The following PTPRZ1 variants were observed in gnomAD, a reference collection of about 807,000 sequenced individuals.
The protein encoded by PTPRZ1 is protein tyrosine phosphatase receptor type Z1.
PTPRZ1 carries 82 observed loss-of-function variants against 214.1 expected under a neutral mutation model. That is an observed-to-expected ratio of 0.38 (90% confidence interval 0.32 to 0.46). The LOEUF (loss-of-function observed/expected upper bound fraction) is 0.46, where lower values mean the gene tolerates loss of function less well. Ranked by LOEUF, PTPRZ1 falls within the 20% of genes least tolerant of loss-of-function variation. PTPRZ1 has a pLI of 1.00. For missense variants in PTPRZ1, 2,603 were observed against 2,748.7 expected (o/e 0.95, Z 1.19); for synonymous variants, 945 against 987.9 (o/e 0.96, Z 0.81).
At chr7:121,939,795 A>G (rs374066566) in intron 2 of PTPRZ1, among the ~76,000 whole-genome samples, 2 of 152,340 alleles carry the variant, frequency 1.3e-5, no homozygotes, top group East Asian at 3.9e-4. Context: ...GTATGCAAAC[A>G]ATAGTGATTA....
chr7:121,897,236 C>T (rs1794811586), intron 1 of PTPRZ1, among the ~76,000 whole-genome samples: 1 of 152,142 alleles, frequency 6.6e-6, no homozygotes, highest in Non-Finnish European at 1.5e-5. Flanking sequence ...CCCAGGTCTA[C>T]TGATTTCAAA....
chr7:121,946,439 T>G (rs188476081), intron 2 of PTPRZ1, among the ~76,000 whole-genome samples: 1 of 152,204 alleles, frequency 6.6e-6, no homozygotes, highest in Non-Finnish European at 1.5e-5. Flanking sequence ...ATACTAATCC[T>G]AAAAACAGTT....
At chr7:122,045,683 T>TACAC (rs71172161) in intron 23 of PTPRZ1, among the ~76,000 whole-genome samples, 23,637 of 146,440 alleles carry the variant, frequency 0.16, 1,890 homozygotes, top group South Asian at 0.22. Flanking sequence ...CTAAATAAAT[T>TACAC]ACACACACAC....
chr7:121,935,716 C>T (rs915571283), intron 2 of PTPRZ1, among the ~76,000 whole-genome samples: 3 of 151,898 alleles, frequency 2.0e-5, no homozygotes, highest in Admixed American at 6.6e-5. Context: ...TACAGGCGCC[C>T]GCCACCACAT....
intron 2 of PTPRZ1, among the ~76,000 whole-genome samples, chr7:121,936,585 A>G (rs887844692): frequency 2.6e-5 from 4 of 152,198 alleles, no homozygotes; most frequent in African/African-American, 9.6e-5. Flanking sequence ...ATCACATCAG[A>G]TTCACTCAAA....
chr7:121,930,621 A>G (rs960914613), intron 2 of PTPRZ1, among the ~76,000 whole-genome samples: 2 of 152,300 alleles, frequency 1.3e-5, no homozygotes, highest in East Asian at 1.9e-4. Flanking sequence ...TGATTAGTCA[A>G]AAATGGAGTC....
At chr7:121,962,746 A>G (rs1796919560) in intron 2 of PTPRZ1, among the ~76,000 whole-genome samples, 1 of 151,642 alleles carries the variant, frequency 6.6e-6, no homozygotes, top group Admixed American at 6.6e-5. Context: ...TGTATTTTTT[A>G]GTAGAGATGG....
chr7:122,058,760 C>T, intron 27 of PTPRZ1, 40 bp from the exon 28 acceptor site: 1 of 1,537,746 alleles, frequency 6.5e-7, no homozygotes. Flanking sequence ...TCCTGGTAAA[C>T]TGTCACTAAC....
At chr7:121,900,669 C>T (rs772248589) in intron 1 of PTPRZ1, among the ~76,000 whole-genome samples, 6 of 152,126 alleles carry the variant, frequency 3.9e-5, no homozygotes, top group African/African-American at 7.2e-5. Flanking sequence ...TTTATTCAGA[C>T]GCCTCTTCCT....
At chr7:121,943,081 G>T (rs574355038) in intron 2 of PTPRZ1, among the ~76,000 whole-genome samples, 6 of 152,238 alleles carry the variant, frequency 3.9e-5, no homozygotes, top group South Asian at 2.1e-4. Flanking sequence ...ATCATGGATA[G>T]TTGTATACTA....
chr7:122,004,798 T>C, intron 11 of PTPRZ1, 138 bp downstream of exon 11: 1 of 511,712 alleles, frequency 2.0e-6, no homozygotes, highest in Non-Finnish European at 3.5e-6. Context: ...TGCTAAGCTT[T>C]ATATATAGAT....
intron 1 of PTPRZ1, among the ~76,000 whole-genome samples, chr7:121,881,878 A>G (rs935896132): frequency 2.0e-5 from 3 of 152,170 alleles, no homozygotes; most frequent in Admixed American, 6.5e-5. Context: ...CATTTCATCA[A>G]TGATACATAT....
rs1317331948 is a variant in PTPRZ1, at chr7:122,052,984, A to G, written c.6253-926A>G. Among the ~76,000 whole-genome samples, 3 of 152,144 alleles carry G rather than the reference A, an allele frequency of 2.0e-5. No individual in the cohort carries two copies. In the East Asian group the frequency reaches 5.8e-4, roughly 29 times the overall value. ...CAGTGACCACCAGATGCCCAGATGA[A>G]AGAGCACCAATAAGGGATTCACCTG... is the stretch of plus-strand genomic sequence containing the variant. On this transcript the variant is annotated intron_variant, in intron 25 of 29. Coordinates refer to ENST00000393386, the MANE Select transcript of PTPRZ1 (RefSeq NM_002851.3).
At chr7:122,051,286 G>T in intron 23 of PTPRZ1, 142 bp from the exon 24 acceptor site, 2 of 484,934 alleles carry the variant, frequency 4.1e-6, no homozygotes. Flanking sequence ...TCAAGGAATT[G>T]TTGGAAAACA....
At chr7:121,966,592 A>T (rs117646436) in intron 2 of PTPRZ1, among the ~76,000 whole-genome samples, 3,094 of 152,288 alleles carry the variant, frequency 0.02, 38 homozygotes, top group Non-Finnish European at 0.032. Flanking sequence ...TTGGGTACAG[A>T]CCTAGACTTT....
rs1287601259 is a variant in PTPRZ1, at chr7:122,013,152, T to C, written c.4106T>C (p.Ile1369Thr). The C allele has an allele frequency of 1.9e-6, 3 of 1,614,082 alleles. No individual in the cohort carries two copies. Among genetic ancestry groups the C allele is most frequent in the Non-Finnish European group, 2.5e-6 (3 of 1,179,902 alleles). ...GTATCTACTGATCATTCTGTTCCTA[T>C]AGGAAATGGGCATGTTGCCATTACA... ...TFVSTDHSVPIGNGHVAITAV... is the reference protein window; with the variant it reads ...TFVSTDHSVPTGNGHVAITAV... The change falls in exon 12 of 30, where the codon ATA becomes ACA. Residue 1369 changes from isoleucine to threonine, a missense_variant. By Grantham distance (89) the Ile-to-Thr change is moderately conservative (BLOSUM62 -1). Transcript: ENST00000393386.
At chr7:121,878,032 A>G (rs1186643093) in intron 1 of PTPRZ1, among the ~76,000 whole-genome samples, 1 of 151,564 alleles carries the variant, frequency 6.6e-6, no homozygotes, top group African/African-American at 2.4e-5. Context: ...TCTTATTGAG[A>G]TTAATTCCTA....
intron 29 of PTPRZ1, among the ~76,000 whole-genome samples, chr7:122,060,761 AG>A (rs1792546170): frequency 6.6e-6 from 1 of 152,240 alleles, no homozygotes; most frequent in South Asian, 2.1e-4. Context: ...ACAGATGTCC[AG>A]TGCCAAACGG....
intron 8 of PTPRZ1, among the ~76,000 whole-genome samples, chr7:121,991,612 T>G (rs1797963995): frequency 1.3e-5 from 2 of 152,322 alleles, no homozygotes; most frequent in African/African-American, 4.8e-5. Flanking sequence ...GTCACATGTA[T>G]GTAAACACTG....
Sources: allele counts gnomAD v4.1 joint callset (sites outside exome capture counted in the v4.1 genomes callset), GRCh38; gene constraint gnomAD v4.1.1; transcripts MANE v1.5; gene names NCBI Gene and HGNC (gene_info 2026-07-23, HGNC 2026-07-21).